The following CTBP2 variants were observed in gnomAD, a reference collection of about 807,000 sequenced individuals.
CTBP2 encodes the protein C-terminal-binding protein 2.
Under a neutral mutation model 80.3 loss-of-function variants are expected in CTBP2, and 30 were observed. The ratio of observed to expected loss-of-function variants is 0.37; its 90% CI spans 0.28 to 0.51. CTBP2 has a LOEUF of 0.51. Ranked by LOEUF, CTBP2 falls within the 20% of genes least tolerant of loss-of-function variation. The probability of loss-of-function intolerance (pLI) is 0.93; values close to 1 mark genes in which losing one functional copy is unlikely to be tolerated. For missense variants in CTBP2, 1,212 were observed against 1,375.3 expected, an observed-to-expected ratio of 0.88 and a Z score of 1.88; for synonymous variants, 594 against 587.4, an observed-to-expected ratio of 1.01 and a Z score of -0.16.
chr10:124,984,991 GA>G lies in CTBP2; in HGVS notation c.*4526del, dbSNP rs535580590. 2.3e-4 allele frequency: 352 copies of G among 1,518,498 alleles called. No homozygotes were observed. The highest frequency in any genetic ancestry group is 4.5e-4 in the Admixed American group (24 of 53,054). The allele number at this position is 1,518,498 out of a possible 1,614,324, so 94.1% of individuals were successfully genotyped here. A position where few individuals can be genotyped will look rare whatever the true frequency, so the allele number is the denominator to read the frequency against. On this transcript the variant is annotated 3_prime_UTR_variant, in exon 9 of 9. Coordinates refer to ENST00000309035, the MANE Select transcript of CTBP2 (RefSeq NM_022802.3). ...GAAGATGAGGATGATGAAGATGAAT[GA>G]AAAAAAAAATCAAACAGCAGAAGAC...
At chr10:125,134,897 CT>C (rs568855361) in intron 1 of CTBP2, among the ~76,000 whole-genome samples, 5,626 of 151,024 alleles carry the variant, frequency 0.037, 363 homozygotes, top group African/African-American at 0.13. Context: ...CCCCTGCCCC[CT>C]GCCCCCGGTA....
At chr10:125,070,533 G>C (rs1458354583) in intron 2 of CTBP2, among the ~76,000 whole-genome samples, 2 of 150,766 alleles carry the variant, frequency 1.3e-5, no homozygotes, top group African/African-American at 4.9e-5. Flanking sequence ...TTCCAGCCTG[G>C]GTGACAGTGA....
upstream of CTBP2, among the ~76,000 whole-genome samples, chr10:125,031,855 C>A (rs537443879): frequency 6.6e-6 from 1 of 152,218 alleles, no homozygotes; most frequent in Non-Finnish European, 1.5e-5. Flanking sequence ...AGAGTGACGT[C>A]GAGTGTCTGA....
chr10:125,143,470 T>G (rs1194336929), intron 1 of CTBP2, among the ~76,000 whole-genome samples: 1 of 152,164 alleles, frequency 6.6e-6, no homozygotes, highest in Admixed American at 6.5e-5. Flanking sequence ...AGAGTGAGCC[T>G]CCATTTCAAA....
At chr10:125,113,636 T>G (rs1852678102) in intron 1 of CTBP2, among the ~76,000 whole-genome samples, 1 of 152,086 alleles carries the variant, frequency 6.6e-6, no homozygotes, top group Admixed American at 6.6e-5. Flanking sequence ...ACTGGGGAGG[T>G]GCACCTTAGC....
In CTBP2 at chr10:125,005,435, A is replaced by G. The variant is rs552509120; in HGVS notation, c.1679-1943T>C. On this transcript the variant is annotated intron_variant, in intron 1 of 8. Transcript: ENST00000309035. ...CTGCTGCCCCGACACCCAGGTCCCC[A>G]AACAGGGTGTCCGCATGGATCCGCA... 4.5e-5 allele frequency: 49 copies of G among 1,093,198 alleles called. 1 individual carries two copies. In the African/African-American group the frequency reaches 7.1e-4, roughly 16 times the overall value. 67.7% of individuals were successfully genotyped at this position (1,093,198 alleles called of 1,614,324 possible).
Position 124,985,161 on chromosome 10 carries a change from C to A in CTBP2, c.*4357G>T. The A allele has an allele frequency of 1.8e-6, 1 of 546,760 alleles. No individual in the cohort carries two copies. Among genetic ancestry groups the A allele is most frequent in the Non-Finnish European group, 3.2e-6 (1 of 311,572 alleles). The allele number at this position is 546,760 out of a possible 1,614,324, so 33.9% of individuals were successfully genotyped here. A position where few individuals can be genotyped will look rare whatever the true frequency, so the allele number is the denominator to read the frequency against. ...ACACCTTATGGAGATAATGCCTCTGCTGCGTGAGGAGACAGAGAACTTTAG... is the reference window on the plus strand; with the variant it reads ...ACACCTTATGGAGATAATGCCTCTGATGCGTGAGGAGACAGAGAACTTTAG... On this transcript the variant is annotated 3_prime_UTR_variant, in exon 9 of 9. Transcript: ENST00000309035.
chr10:125,014,071 C>G (rs1034406226), intron 1 of CTBP2, among the ~76,000 whole-genome samples: 4 of 152,180 alleles, frequency 2.6e-5, no homozygotes, highest in Non-Finnish European at 5.9e-5. Flanking sequence ...CTAAAAGAGA[C>G]GTCATCATGG....
rs183706740 is a variant in CTBP2 at position 125,111,902 on chromosome 10, T to C, written c.-205-809A>G. Among the ~76,000 whole-genome samples, 220 of 152,074 alleles carry C rather than the reference T, an allele frequency of 1.4e-3. 1 individual carries two copies. Among genetic ancestry groups the C allele is most frequent in the Middle Eastern group, 0.014 (4 of 294 alleles). On this transcript the variant is annotated intron_variant, in intron 1 of 10. Coordinates refer to the CTBP2 transcript ENST00000337195. The stretch of plus-strand genomic sequence containing the variant: ...CTACGGCTTTTCCAGGAAGAAAAGA[T>C]GGAATTTAACACTGGAGTTGCTATG...
intron 2 of CTBP2, among the ~76,000 whole-genome samples, chr10:125,101,385 G>T (rs1051946834): frequency 4.6e-5 from 7 of 152,234 alleles, no homozygotes; most frequent in African/African-American, 1.7e-4. Context: ...TGTTCCCAGG[G>T]AAGGATGTCC....
intron 1 of CTBP2, among the ~76,000 whole-genome samples, chr10:125,124,989 C>T (rs1015351287): frequency 6.6e-6 from 1 of 152,194 alleles, no homozygotes; most frequent in Non-Finnish European, 1.5e-5. Flanking sequence ...TATGTACAGA[C>T]GCACGGCACT....
rs2241856 is a variant in CTBP2 at position 125,003,142 on chromosome 10, C to T, written c.1834-38G>A. ...AGAGCACAGGGTCGGAGCCCCACCCCGTGCAGCCCACCGGCACCACTTGGC... is the reference window on the plus strand; with the variant it reads ...AGAGCACAGGGTCGGAGCCCCACCCTGTGCAGCCCACCGGCACCACTTGGC... On this transcript the variant is annotated intron_variant, in intron 2 of 8. Coordinates refer to ENST00000309035, the MANE Select transcript of CTBP2 (RefSeq NM_022802.3). 39 of 1,611,612 alleles carry T rather than the reference C, an allele frequency of 2.4e-5. No homozygotes were observed. In the East Asian group the frequency reaches 4.9e-4, roughly 20 times the overall value.
chr10:124,997,623 G>T, intron 4 of CTBP2: 1 of 325,728 alleles, frequency 3.1e-6, no homozygotes, highest in East Asian at 6.1e-5. Flanking sequence ...GCTGCTTTAC[G>T]ACACACCTCC....
chr10:124,995,696 C>T (rs879533962), intron 4 of CTBP2, among the ~76,000 whole-genome samples: 7 of 152,202 alleles, frequency 4.6e-5, no homozygotes, highest in Non-Finnish European at 1.0e-4. Flanking sequence ...GGGACAGCTG[C>T]AGGACAACTA....
Position 125,026,748 on chromosome 10 carries a change from G to C in CTBP2, c.1012C>G (p.Gln338Glu). The C allele has an allele frequency of 6.2e-7, 1 of 1,613,046 alleles. No individual in the cohort carries two copies. The highest frequency in any genetic ancestry group is 8.5e-7 in the Non-Finnish European group (1 of 1,179,970). The change falls in exon 1 of 9, where the codon CAG (glutamine) becomes GAG (glutamate). Residue 338 changes from glutamine to glutamate, a missense_variant. By Grantham distance (29) the Gln-to-Glu change is conservative. Around this residue, in one of 3 missense-constraint regions of CTBP2, gnomAD observed 848 missense variants for 782.3 expected, o/e 1.08. Coordinates refer to ENST00000309035, the MANE Select transcript of CTBP2 (RefSeq NM_022802.3). ...GCCAGGCGGCTCAGAACACGGGCCT[G>C]GCCCAGGTTGGGTGCGACAGACTTG...
chr10:125,126,924 TTCTCTC>T (rs67378138), intron 1 of CTBP2, among the ~76,000 whole-genome samples: 40 of 138,650 alleles, frequency 2.9e-4, no homozygotes, highest in East Asian at 1.7e-3. Context: ...CACACACACA[TTCTCTC>T]TCTCTCTCTC....
chr10:125,104,301 CA>C (rs1402000113), intron 2 of CTBP2, among the ~76,000 whole-genome samples: 1 of 152,218 alleles, frequency 6.6e-6, no homozygotes, highest in African/African-American at 2.4e-5. Flanking sequence ...AGATGCTCTG[CA>C]CTGCTGCTCA....
intron 1 of CTBP2, among the ~76,000 whole-genome samples, chr10:125,011,531 G>C (rs74838560): frequency 0.014 from 2,111 of 152,340 alleles, 50 homozygotes; most frequent in African/African-American, 0.048. Context: ...CGAAGAGCAT[G>C]TGTGGTATCT....
Position 125,098,657 on chromosome 10 carries a change from G to GGAGAGAGA in CTBP2, c.-102+12325_-102+12332dup, listed in dbSNP as rs565818097. ...GAACAGAGAGAGAAATGGGGGAGGGGGAGAGAGAGAGAGAGAGAGAGAGAG... is the reference window on the plus strand; with the variant it reads ...GAACAGAGAGAGAAATGGGGGAGGGGGAGAGAGAGAGAGAGAGAGAGAGAGAGAGAGAG... On this transcript the variant is annotated intron_variant, in intron 2 of 10. Coordinates refer to the CTBP2 transcript ENST00000337195. Among the ~76,000 whole-genome samples the GGAGAGAGA allele has an allele frequency of 1.6e-4, 7 of 44,992 alleles. 1 individual carries two copies. Among genetic ancestry groups the GGAGAGAGA allele is most frequent in the Admixed American group, 2.7e-4 (1 of 3,712 alleles). 29.5% of individuals were successfully genotyped at this position (44,992 alleles called of 152,430 possible). A position where few individuals can be genotyped will look rare whatever the true frequency, so the allele number is the denominator to read the frequency against.
Sources: gnomAD v4.1 joint callset for allele counts (sites outside exome capture counted in the v4.1 genomes callset) on GRCh38, gnomAD v4.1.1 for gene constraint, gnomAD v4.1.1 regional missense constraint, MANE v1.5 for transcripts, NCBI Gene and HGNC (gene_info 2026-07-23, HGNC 2026-07-21) for gene names.